Variants in CDK14 observed in about 807,000 individuals in gnomAD.
CDK14 encodes cyclin dependent kinase 14, also known as cyclin-dependent kinase 14.
Under a neutral mutation model 60.7 loss-of-function variants are expected in CDK14, and 34 were observed. The observed-to-expected ratio is 0.56, with a 90% CI of 0.43 to 0.75. The LOEUF is 0.75. Ranked by LOEUF, CDK14 falls within the 30% of genes least tolerant of loss-of-function variation. The pLI is 0.00. For missense variants in CDK14, 482 were observed against 564.1 expected (o/e 0.85, Z 1.47); for synonymous variants, 197 against 203.7 (o/e 0.97, Z 0.28).
At chr7:90,952,446 C>G (rs1794291168) in intron 8 of CDK14, among the ~76,000 whole-genome samples, 3 of 152,182 alleles carry the variant, frequency 2.0e-5, no homozygotes, top group Admixed American at 2.0e-4. Flanking sequence ...GGTAGCTCAA[C>G]TTTGAATCAT....
intron 14 of CDK14, among the ~76,000 whole-genome samples, chr7:91,200,480 G>GT (rs1275588481): frequency 2.0e-5 from 3 of 152,206 alleles, no homozygotes; most frequent in South Asian, 4.1e-4. Flanking sequence ...TTGTAAGTTT[G>GT]TTTTTTTCTT....
At chr7:91,105,969 G>T (rs1421586914) in intron 12 of CDK14, among the ~76,000 whole-genome samples, 1 of 152,126 alleles carries the variant, frequency 6.6e-6, no homozygotes, top group Non-Finnish European at 1.5e-5. Flanking sequence ...TGAAGTAATT[G>T]CCCAGAATGG....
intron 14 of CDK14, among the ~76,000 whole-genome samples, chr7:91,140,563 G>A (rs972373688): frequency 1.3e-5 from 2 of 152,176 alleles, no homozygotes; most frequent in African/African-American, 4.8e-5. Context: ...AACTCGGGAA[G>A]CAATATAGAA....
At chr7:90,859,987 T>G (rs1373526802) in intron 5 of CDK14, among the ~76,000 whole-genome samples, 1 of 152,188 alleles carries the variant, frequency 6.6e-6, no homozygotes, top group Non-Finnish European at 1.5e-5. Context: ...AAAACCAAAA[T>G]GAAGACATAA....
At chr7:90,943,452 C>A (rs1252673700) in intron 8 of CDK14, among the ~76,000 whole-genome samples, 2 of 151,928 alleles carry the variant, frequency 1.3e-5, no homozygotes, top group African/African-American at 4.8e-5. Context: ...GAAATTAATT[C>A]TTGAGGTTTT....
At chr7:90,653,203 C>T (rs1486885194) in intron 2 of CDK14, among the ~76,000 whole-genome samples, 1 of 152,076 alleles carries the variant, frequency 6.6e-6, no homozygotes, top group South Asian at 2.1e-4. Context: ...CCCCCAGCCC[C>T]ACTTAGGCTT....
At chr7:90,914,124 C>G (rs924852225) in intron 7 of CDK14, among the ~76,000 whole-genome samples, 2 of 152,050 alleles carry the variant, frequency 1.3e-5, no homozygotes, top group African/African-American at 4.8e-5. Context: ...CTTGCTTGGT[C>G]TTCTTAGTGT....
chr7:90,736,048 G>C lies in CDK14; in HGVS notation c.369+9236G>C, dbSNP rs116274894. 5.7e-3 allele frequency among the ~76,000 whole-genome samples: 869 copies of C among 152,280 alleles called. 14 individuals are homozygous for C. The highest frequency in any genetic ancestry group is 0.02 in the African/African-American group (822 of 41,550). On this transcript the variant is annotated intron_variant, in intron 3 of 14. Transcript: ENST00000380050. ...AGAGTGCACTGTTCCTCCCGGTACA[G>C]TCTCTCATGGCTTCACTTGGCTGGG...
At chr7:90,860,951 T>C (rs1007349498) in intron 5 of CDK14, among the ~76,000 whole-genome samples, 1 of 152,182 alleles carries the variant, frequency 6.6e-6, no homozygotes, top group Non-Finnish European at 1.5e-5. Context: ...TGGTCCTCTC[T>C]GGGTTTTTAG....
intron 10 of CDK14, among the ~76,000 whole-genome samples, chr7:90,995,490 A>G (rs563312590): frequency 1.4e-3 from 206 of 152,304 alleles, no homozygotes; most frequent in Admixed American, 2.9e-3. Context: ...ACTTAAAGCC[A>G]CTGGGTTTTG....
intron 7 of CDK14, among the ~76,000 whole-genome samples, chr7:90,906,835 T>C (rs1241434218): frequency 1.3e-5 from 2 of 152,076 alleles, no homozygotes; most frequent in Admixed American, 1.3e-4. Flanking sequence ...GTACTAATTC[T>C]CAGCAAAACA....
chr7:90,734,734 C>T (rs1404581285), intron 3 of CDK14, among the ~76,000 whole-genome samples: 1 of 152,104 alleles, frequency 6.6e-6, no homozygotes, highest in Non-Finnish European at 1.5e-5. Context: ...AGGTTCTTAG[C>T]TTTATTGCAT....
chr7:91,062,162 A>G (rs1301749893), intron 11 of CDK14, among the ~76,000 whole-genome samples: 1 of 152,150 alleles, frequency 6.6e-6, no homozygotes, highest in Admixed American at 6.5e-5. Context: ...CTGTGCTAGC[A>G]ATGACCGAGG....
At chr7:90,756,078 A>G (rs1299874719) in intron 4 of CDK14, among the ~76,000 whole-genome samples, 10 of 152,164 alleles carry the variant, frequency 6.6e-5, no homozygotes, top group Admixed American at 5.9e-4. Context: ...GCTCATTCCC[A>G]TCTGGTGGCT....
chr7:91,096,377 C>T (rs1443198539), intron 12 of CDK14, among the ~76,000 whole-genome samples: 3 of 152,114 alleles, frequency 2.0e-5, no homozygotes, highest in Non-Finnish European at 4.4e-5. Context: ...GGAACTAAGA[C>T]CTTTTTTGCC....
chr7:90,841,242 A>G (rs1256934423), intron 5 of CDK14, among the ~76,000 whole-genome samples: 1 of 152,268 alleles, frequency 6.6e-6, no homozygotes, highest in East Asian at 1.9e-4. Flanking sequence ...GAAATAATTC[A>G]TTTGTCCAAA....
chr7:90,892,330 A>G (rs1451884881), intron 6 of CDK14, among the ~76,000 whole-genome samples: 2 of 152,208 alleles, frequency 1.3e-5, no homozygotes, highest in Non-Finnish European at 2.9e-5. Context: ...AATGGACATT[A>G]TATACGTAAT....
chr7:91,166,138 T>C (rs1423575723), intron 14 of CDK14, among the ~76,000 whole-genome samples: 1 of 152,224 alleles, frequency 6.6e-6, no homozygotes, highest in African/African-American at 2.4e-5. Context: ...GACACCCTTA[T>C]GTGTAGAAGG....
intron 3 of CDK14, among the ~76,000 whole-genome samples, chr7:90,742,873 C>G (rs147910828): frequency 0.013 from 1,951 of 151,766 alleles, 58 homozygotes; most frequent in African/African-American, 0.045. Flanking sequence ...TTCAGTATCC[C>G]CTATCGGAAA....
Sources: gnomAD v4.1 joint callset for allele counts (sites outside exome capture counted in the v4.1 genomes callset) on GRCh38, gnomAD v4.1.1 for gene constraint, MANE v1.5 for transcripts, NCBI Gene and HGNC (gene_info 2026-07-23, HGNC 2026-07-21) for gene names.